Variants in ZNF536 observed in about 807,000 individuals in gnomAD.
The protein encoded by ZNF536 is zinc finger protein 536.
ZNF536 carries 13 observed loss-of-function variants against 84.5 expected under a neutral mutation model. The ratio of observed to expected loss-of-function variants is 0.15; its 90% CI spans 0.10 to 0.24. The LOEUF (loss-of-function observed/expected upper bound fraction) is 0.24. Among genes scored for constraint, ZNF536 ranks in the 10% least tolerant of loss-of-function variants. The pLI, the probability that ZNF536 is intolerant of heterozygous loss-of-function variation, is 1.00. For missense variants in ZNF536, 1,536 were observed against 1,747.5 expected (o/e 0.88, Z 2.16); for synonymous variants, 811 against 742.5 (o/e 1.09, Z -1.50).
intron 1 of ZNF536, among the ~76,000 whole-genome samples, chr19:30,660,536 C>G (rs1252885209): frequency 2.0e-5 from 3 of 152,190 alleles, no homozygotes; most frequent in African/African-American, 7.2e-5. Flanking sequence ...ATATATAACA[C>G]AGTAAGAACT....
chr19:30,388,598 C>G (rs931447067), intron 1 of ZNF536, among the ~76,000 whole-genome samples: 15 of 152,190 alleles, frequency 9.9e-5, no homozygotes, highest in Non-Finnish European at 1.9e-4. Flanking sequence ...TCTTCAACTT[C>G]TTCACTTGGG....
intron 1 of ZNF536, among the ~76,000 whole-genome samples, chr19:30,278,442 G>A (rs980013852): frequency 6.6e-6 from 1 of 152,180 alleles, no homozygotes; most frequent in South Asian, 2.1e-4. Flanking sequence ...TGTGGGCGGT[G>A]TGGTTTGGAC....
intron 1 of ZNF536, among the ~76,000 whole-genome samples, chr19:30,709,891 C>T (rs1397143850): frequency 6.6e-6 from 1 of 152,144 alleles, no homozygotes; most frequent in African/African-American, 2.4e-5. Context: ...TGTTGGGATT[C>T]CAGGCGTGAG....
intron 1 of ZNF536, among the ~76,000 whole-genome samples, chr19:30,626,290 A>T (rs1032985553): frequency 1.3e-5 from 2 of 151,790 alleles, no homozygotes; most frequent in African/African-American, 2.4e-5. Flanking sequence ...AAATTTAGCA[A>T]TTTTTTCCCC....
rs868553413 is a variant in ZNF536 at position 30,344,298 on chromosome 19, A to C, written c.-119-8070A>C. Reference sequence around the variant, plus strand: ...TACTAAAAATACACACACACACACAAATATATTGGCGGCCTCCTATAATCC... The same window carrying C: ...TACTAAAAATACACACACACACACACATATATTGGCGGCCTCCTATAATCC... On this transcript the variant is annotated intron_variant, in intron 2 of 5. Transcript: ENST00000585628. Among the ~76,000 whole-genome samples the C allele has an allele frequency of 1.7e-4, 5 of 29,188 alleles. 1 individual carries two copies. The highest frequency in any genetic ancestry group is 1.0e-3 in the African/African-American group (4 of 3,992). The allele number at this position is 29,188 out of a possible 152,430, so 19.1% of individuals were successfully genotyped here. A position where few individuals can be genotyped will look rare whatever the true frequency, so the allele number is the denominator to read the frequency against.
chr19:30,665,419 G>A (rs1225934201), intron 1 of ZNF536: 1 of 152,206 alleles, frequency 6.6e-6, no homozygotes, highest in African/African-American at 2.4e-5. Context: ...CTGTCTTGGG[G>A]GATGTTTCTA....
chr19:30,345,248 C>G (rs2047703790), intron 2 of ZNF536, among the ~76,000 whole-genome samples: 1 of 151,962 alleles, frequency 6.6e-6, no homozygotes, highest in African/African-American at 2.4e-5. Context: ...GGGGCTCCCC[C>G]CAGCATGAGT....
At chr19:30,710,899 C>T (rs921980444) in exon 2 of ZNF536, 1 of 152,262 alleles carries the variant, frequency 6.6e-6, no homozygotes, top group Non-Finnish European at 1.5e-5. Flanking sequence ...CCAGGGTCGA[C>T]TCAGAGGCTT....
chr19:30,476,621 A>C (rs750213290), intron 2 of ZNF536, among the ~76,000 whole-genome samples: 1 of 152,240 alleles, frequency 6.6e-6, no homozygotes, highest in Non-Finnish European at 1.5e-5. Flanking sequence ...CTTTAAAAGG[A>C]AATAGGGAGA....
chr19:30,534,816 G>C (rs561996970), intron 2 of ZNF536, 31 bp from the exon 3 acceptor site: 2 of 1,590,422 alleles, frequency 1.3e-6, no homozygotes, highest in South Asian at 2.3e-5. Context: ...ATGTGCTGAA[G>C]TGATGTGAGA....
intron 1 of ZNF536, among the ~76,000 whole-genome samples, chr19:30,406,233 GA>G (rs774735448): frequency 2.6e-5 from 4 of 152,158 alleles, no homozygotes; most frequent in Non-Finnish European, 4.4e-5. Flanking sequence ...GGGGCACCAA[GA>G]AAAGGGAACA....
chr19:30,626,291 T>G (rs1176149591), intron 1 of ZNF536, among the ~76,000 whole-genome samples: 9 of 152,172 alleles, frequency 5.9e-5, no homozygotes, highest in African/African-American at 1.9e-4. Context: ...AATTTAGCAA[T>G]TTTTTCCCCT....
At chr19:30,610,606 A>G (rs1485401116) in intron 1 of ZNF536, among the ~76,000 whole-genome samples, 1 of 152,216 alleles carries the variant, frequency 6.6e-6, no homozygotes, top group African/African-American at 2.4e-5. Flanking sequence ...ATGGATCTTC[A>G]TGTCATCTCA....
At chr19:30,650,229 C>T (rs924385379) in intron 1 of ZNF536, among the ~76,000 whole-genome samples, 3 of 152,210 alleles carry the variant, frequency 2.0e-5, no homozygotes, top group African/African-American at 7.2e-5. Flanking sequence ...AAGGGATGAT[C>T]TGCAAACAAG....
At position 30,616,393 on chromosome 19, in the gene ZNF536, CTT is replaced by C. The variant is rs759003106; in HGVS notation, c.169+66880_169+66881del. On this transcript the variant is annotated intron_variant, in intron 1 of 1. Transcript: ENST00000592773. ...TTTGTGTTTAAATTTATAAATGCCTCTTATGGAATTTGTGGAGATGATCAAAT... is the reference window on the plus strand; with the variant it reads ...TTTGTGTTTAAATTTATAAATGCCTCATGGAATTTGTGGAGATGATCAAAT... Among the ~76,000 whole-genome samples the C allele has an allele frequency of 4.6e-5, 7 of 152,162 alleles. No individual in the cohort carries two copies. In the East Asian group the frequency reaches 7.7e-4, roughly 17 times the overall value.
At chr19:30,556,531 GGAATGCCACTGACGT>G (rs2045970426) in intron 4 of ZNF536, 1 of 152,172 alleles carries the variant, frequency 6.6e-6, no homozygotes, top group African/African-American at 2.4e-5. Flanking sequence ...AAATTAAATG[GGAATGCCACTGACGT>G]GATGTCGTTT....
chr19:30,331,392 T>G (rs1466567325), intron 2 of ZNF536, among the ~76,000 whole-genome samples: 1 of 151,006 alleles, frequency 6.6e-6, no homozygotes, highest in African/African-American at 2.4e-5. Context: ...AAATCTTAGA[T>G]CTCTTCTGTC....
At chr19:30,600,546 C>T (rs2047648436) in intron 1 of ZNF536, among the ~76,000 whole-genome samples, 1 of 152,228 alleles carries the variant, frequency 6.6e-6, no homozygotes, top group African/African-American at 2.4e-5. Context: ...TTCCTCACAT[C>T]CACGTCCTAG....
At chr19:30,245,096 G>A (rs188493868) in intron 1 of ZNF536, among the ~76,000 whole-genome samples, 69 of 152,170 alleles carry the variant, frequency 4.5e-4, no homozygotes, top group African/African-American at 1.5e-3. Flanking sequence ...TCAGGTCCTC[G>A]GACACACAGG....
Sources: allele counts gnomAD v4.1 joint callset (sites outside exome capture counted in the v4.1 genomes callset), GRCh38; gene constraint gnomAD v4.1.1; transcripts MANE v1.5; gene names NCBI Gene and HGNC (gene_info 2026-07-23, HGNC 2026-07-21).